The following NRXN3 variants were observed in gnomAD, a reference collection of about 807,000 sequenced individuals.
NRXN3 encodes neurexin 3, also known as neurexin III.
In NRXN3, 32 loss-of-function variants were observed where a neutral mutation model predicts 137.6. The ratio of observed to expected loss-of-function variants is 0.23; its 90% CI spans 0.18 to 0.31. The LOEUF (loss-of-function observed/expected upper bound fraction) is 0.31. Among genes scored for constraint, NRXN3 ranks in the 10% least tolerant of loss-of-function variants. The pLI is 1.00. For missense variants in NRXN3, 1,574 were observed against 2,062.5 expected (o/e 0.76, Z 4.59); for synonymous variants, 798 against 784.5 (o/e 1.02, Z -0.29).
rs568889350 is a variant in NRXN3 at position 79,501,327 on chromosome 14, A to G, written c.3444+33925A>G. On this transcript the variant is annotated intron_variant, in intron 16 of 20. Coordinates refer to ENST00000335750, the MANE Select transcript of NRXN3 (RefSeq NM_001330195.2). ...CTTCTACTATGAGAGACCGAGATCC[A>G]TGTGAGGTATTCTGTGATGAAGATC... Among the ~76,000 whole-genome samples, 5 of 152,194 alleles carry G rather than the reference A, an allele frequency of 3.3e-5. No homozygotes were observed. The East Asian group carries it at 9.7e-4, about 29-fold the overall frequency.
At chr14:79,724,685 A>G (rs1370163853) in intron 19 of NRXN3, among the ~76,000 whole-genome samples, 3 of 152,150 alleles carry the variant, frequency 2.0e-5, no homozygotes, top group Non-Finnish European at 1.5e-5. Flanking sequence ...CATTTTGGAG[A>G]AAAACAACCA....
chr14:78,306,066 A>G lies in NRXN3; in HGVS notation c.757+8206A>G, dbSNP rs146342578. On this transcript the variant is annotated intron_variant, in intron 4 of 20. Coordinates refer to ENST00000335750, the MANE Select transcript of NRXN3 (RefSeq NM_001330195.2). ...GACACCAAAGACATTTTTTGCATGG[A>G]TGTTTCTTGGAGCATTCAAAAAAGT... is the stretch of plus-strand genomic sequence containing the variant. Among the ~76,000 whole-genome samples the G allele has an allele frequency of 2.7e-3, 409 of 152,230 alleles. 3 individuals carry two copies. The highest frequency in any genetic ancestry group is 9.1e-3 in the African/African-American group (376 of 41,530).
intron 10 of NRXN3, among the ~76,000 whole-genome samples, chr14:78,934,027 T>G (rs1423620873): frequency 6.6e-6 from 1 of 152,072 alleles, no homozygotes; most frequent in African/African-American, 2.4e-5. Flanking sequence ...CTGAAGCCTG[T>G]GGATTATTGT....
At chr14:79,726,449 C>G (rs549123074) in intron 19 of NRXN3, among the ~76,000 whole-genome samples, 1 of 150,598 alleles carries the variant, frequency 6.6e-6, no homozygotes, top group Non-Finnish European at 1.5e-5. Context: ...CCATTTGCAG[C>G]TTTTTGTACT....
At chr14:78,470,434 T>C (rs2095238680) in intron 4 of NRXN3, among the ~76,000 whole-genome samples, 1 of 152,178 alleles carries the variant, frequency 6.6e-6, no homozygotes, top group South Asian at 2.1e-4. Context: ...TGGGGCAATT[T>C]CTTTTCTCGG....
At position 79,050,164 on chromosome 14, in the gene NRXN3, C is replaced by T. The variant is rs113026957; in HGVS notation, c.3262+62023C>T. Among the ~76,000 whole-genome samples the T allele has an allele frequency of 9.2e-3, 1,399 of 152,268 alleles. 13 individuals are homozygous for T. Among genetic ancestry groups the T allele is most frequent in the Admixed American group, 0.016 (239 of 15,294 alleles). Reference sequence around the variant, plus strand: ...CTTCATCTATGGGATTCTGCACTTTCGCCTTTCTGTTTCTGTGTTGTCCTG... The same window carrying T: ...CTTCATCTATGGGATTCTGCACTTTTGCCTTTCTGTTTCTGTGTTGTCCTG... On this transcript the variant is annotated intron_variant, in intron 15 of 20. Transcript: ENST00000335750.
chr14:78,469,211 A>G (rs891685131), intron 4 of NRXN3, among the ~76,000 whole-genome samples: 1 of 152,162 alleles, frequency 6.6e-6, no homozygotes, highest in Non-Finnish European at 1.5e-5. Flanking sequence ...AATCTAATGT[A>G]TGGCAAAATA....
chr14:78,326,701 G>A (rs114558400), intron 4 of NRXN3, among the ~76,000 whole-genome samples: 2,318 of 152,254 alleles, frequency 0.015, 62 homozygotes, highest in African/African-American at 0.053. Flanking sequence ...GGCAAAATTC[G>A]CTCTGAAGTT....
At chr14:78,409,148 C>T (rs1465139937) in intron 4 of NRXN3, among the ~76,000 whole-genome samples, 1 of 152,222 alleles carries the variant, frequency 6.6e-6, no homozygotes, top group Non-Finnish European at 1.5e-5. Context: ...CAAGTCATAT[C>T]ATTTCCTACC....
chr14:79,769,039 T>C (rs2099067030), intron 19 of NRXN3, among the ~76,000 whole-genome samples: 1 of 151,488 alleles, frequency 6.6e-6, no homozygotes, highest in African/African-American at 2.4e-5. Context: ...GAAGATGAAA[T>C]GAATGAAATG....
intron 19 of NRXN3, among the ~76,000 whole-genome samples, chr14:79,771,207 C>A (rs1204546928): frequency 1.3e-5 from 2 of 152,154 alleles, no homozygotes; most frequent in Admixed American, 6.5e-5. Context: ...CAAGGAGGAA[C>A]TGGTACCATT....
At chr14:79,152,000 T>A (rs541810371) in intron 15 of NRXN3, among the ~76,000 whole-genome samples, 2 of 152,216 alleles carry the variant, frequency 1.3e-5, no homozygotes, top group African/African-American at 2.4e-5. Flanking sequence ...CCAGAAGTGA[T>A]GTGCTAACAA....
At chr14:79,783,441 C>T (rs992921320) in intron 19 of NRXN3, among the ~76,000 whole-genome samples, 2 of 152,162 alleles carry the variant, frequency 1.3e-5, no homozygotes, top group African/African-American at 2.4e-5. Context: ...AGTCTGTTTT[C>T]AGTCCTGCTC....
intron 15 of NRXN3, among the ~76,000 whole-genome samples, chr14:79,154,207 T>A (rs2060050445): frequency 6.6e-6 from 1 of 151,984 alleles, no homozygotes; most frequent in African/African-American, 2.4e-5. Flanking sequence ...GGCTTCTCTC[T>A]TCTAGAGGTG....
intron 1 of NRXN3, among the ~76,000 whole-genome samples, chr14:78,239,630 T>G (rs1007427380): frequency 3.3e-5 from 5 of 152,228 alleles, no homozygotes; most frequent in East Asian, 1.9e-4. Context: ...TTACATTGAC[T>G]ATTATTTCTG....
intron 8 of NRXN3, among the ~76,000 whole-genome samples, chr14:78,737,530 G>A (rs1474420673): frequency 6.6e-6 from 1 of 152,114 alleles, no homozygotes; most frequent in Non-Finnish European, 1.5e-5. Context: ...CCCGTGAGCT[G>A]CAGCTGCACA....
intron 4 of NRXN3, among the ~76,000 whole-genome samples, chr14:78,480,308 A>G (rs558152614): frequency 1.3e-5 from 2 of 152,332 alleles, no homozygotes; most frequent in Non-Finnish European, 2.9e-5. Flanking sequence ...ATTCAACATA[A>G]TTAGGTAATT....
chr14:79,487,053 G>T (rs1339291732), intron 16 of NRXN3, among the ~76,000 whole-genome samples: 3 of 151,586 alleles, frequency 2.0e-5, no homozygotes, highest in Non-Finnish European at 4.4e-5. Flanking sequence ...CAGCCAGATT[G>T]CCTGGGTTCA....
intron 15 of NRXN3, among the ~76,000 whole-genome samples, chr14:79,125,306 T>C (rs2056211369): frequency 6.6e-6 from 1 of 152,210 alleles, no homozygotes; most frequent in South Asian, 2.1e-4. Context: ...CTTCTGTATT[T>C]AGCTGTGAGC....
Sources: gnomAD v4.1 joint callset for allele counts (sites outside exome capture counted in the v4.1 genomes callset) on GRCh38, gnomAD v4.1.1 for gene constraint, MANE v1.5 for transcripts, NCBI Gene and HGNC (gene_info 2026-07-23, HGNC 2026-07-21) for gene names.